Variants in MTTP observed in about 807,000 individuals in gnomAD.
MTTP encodes the protein microsomal triglyceride transfer protein.
MTTP carries 49 observed loss-of-function variants against 90.6 expected under a neutral mutation model. The observed-to-expected ratio is 0.54, with a 90% confidence interval of 0.43 to 0.69. MTTP has a LOEUF of 0.69. Among genes scored for constraint, MTTP ranks in the 30% least tolerant of loss-of-function variants. MTTP has a pLI of 0.00. For missense variants in MTTP, 945 were observed against 1,067.5 expected (o/e 0.89, Z 1.60); for synonymous variants, 347 against 384.2 (o/e 0.90, Z 1.13).
At chr4:99,589,484 A>G (rs1288339256) in intron 3 of MTTP, among the ~76,000 whole-genome samples, 159 bp from the exon 4 acceptor site, 1 of 152,146 alleles carries the variant, frequency 6.6e-6, no homozygotes, top group Non-Finnish European at 1.5e-5. Flanking sequence ...AGATTTAAAT[A>G]GCTTCTTTTC....
At chr4:99,602,916 A>G (rs1007583972) in intron 10 of MTTP, among the ~76,000 whole-genome samples, 3 of 152,192 alleles carry the variant, frequency 2.0e-5, no homozygotes, top group Admixed American at 6.6e-5. Context: ...AAGAACTCCT[A>G]GTCTGTTTAT....
At chr4:99,621,960 C>T (rs1454678841) in intron 17 of MTTP, among the ~76,000 whole-genome samples, 3 of 152,196 alleles carry the variant, frequency 2.0e-5, no homozygotes, top group African/African-American at 7.2e-5. Flanking sequence ...CAGCAAGCCA[C>T]ATCTTACATC....
At chr4:99,568,374 C>G (rs1315312588) in intron 1 of MTTP, among the ~76,000 whole-genome samples, 1 of 152,008 alleles carries the variant, frequency 6.6e-6, no homozygotes, top group Non-Finnish European at 1.5e-5. Flanking sequence ...CAGTGCAGAA[C>G]TGGAACTTGA....
At chr4:99,566,659 T>G (rs1175316626) in intron 1 of MTTP, among the ~76,000 whole-genome samples, 1 of 152,210 alleles carries the variant, frequency 6.6e-6, no homozygotes, top group African/African-American at 2.4e-5. Context: ...AAATCTGGTT[T>G]TAAAGTGTTG....
Position 99,619,055 on chromosome 4 carries a change from T to C in MTTP, c.2299T>C (p.Phe767Leu). The change falls in exon 16 of 18, where the codon TTT (phenylalanine) becomes CTT (leucine). Residue 767 changes from phenylalanine to leucine, a missense_variant. Physicochemically the swap from Phe to Leu is conservative, Grantham distance 22. Transcript: ENST00000265517. Reference protein sequence around the residue: ...LAIDISGAMEFSLWYRESKTR... With the variant: ...LAIDISGAMELSLWYRESKTR... ...TATTGATATTTCAGGTGCAATGGAGTTTAGCTTGTGGTATCGTGAGTCTAA... is the reference window on the plus strand; with the variant it reads ...TATTGATATTTCAGGTGCAATGGAGCTTAGCTTGTGGTATCGTGAGTCTAA... 1 of 1,613,620 alleles carries C rather than the reference T, an allele frequency of 6.2e-7. No individual in the cohort carries two copies. Among genetic ancestry groups the C allele is most frequent in the Non-Finnish European group, 8.5e-7 (1 of 1,179,646 alleles).
At chr4:99,577,578 C>T (rs1724995824) in intron 1 of MTTP, among the ~76,000 whole-genome samples, 1 of 132,904 alleles carries the variant, frequency 7.5e-6, no homozygotes, top group African/African-American at 2.9e-5. Context: ...GCACTCCAGC[C>T]TGGGCAATAA....
chr4:99,594,874 A>T lies in MTTP; in HGVS notation c.900A>T (p.Gly300=), dbSNP rs376659735. 4 of 1,613,868 alleles carry T rather than the reference A, an allele frequency of 2.5e-6. No homozygotes were observed. The South Asian group carries it at 3.3e-5, about 13-fold the overall frequency. Residue 300 remains glycine (G), a synonymous_variant, in exon 7 of 18, where the codon GGA becomes GGT. Coordinates refer to ENST00000265517, the MANE Select transcript of MTTP (RefSeq NM_001386140.1). ...AGGTCTTCCAGAGCCACTGTAAAGGATGTCCTTCTGTAAGTGCAGACAAAT... is the reference window on the plus strand; with the variant it reads ...AGGTCTTCCAGAGCCACTGTAAAGGTTGTCCTTCTGTAAGTGCAGACAAAT... The part of the protein sequence containing the change: ...VGQVFQSHCK[G]CPSLSELWRS...
At chr4:99,605,811 C>G (rs929493025) in intron 10 of MTTP, among the ~76,000 whole-genome samples, 1 of 151,428 alleles carries the variant, frequency 6.6e-6, no homozygotes, top group Non-Finnish European at 1.5e-5. Flanking sequence ...CTATTGGGAG[C>G]CTTTTGTTAA....
At chr4:99,603,526 C>T (rs1725745268) in intron 10 of MTTP, among the ~76,000 whole-genome samples, 1 of 152,036 alleles carries the variant, frequency 6.6e-6, no homozygotes, top group African/African-American at 2.4e-5. Flanking sequence ...GAGATACATT[C>T]AAGGGCCACT....
intron 10 of MTTP, 43 bp from the exon 11 acceptor site, chr4:99,606,705 C>A: frequency 6.3e-7 from 1 of 1,585,790 alleles, no homozygotes; most frequent in South Asian, 1.1e-5. Context: ...AAGTCTTCTT[C>A]AATGTATGGT....
At chr4:99,564,946 C>T (rs1391005197) in intron 1 of MTTP, among the ~76,000 whole-genome samples, 2 of 152,200 alleles carry the variant, frequency 1.3e-5, no homozygotes, top group Non-Finnish European at 2.9e-5. Flanking sequence ...ACTTGAAACA[C>T]TGTATCAGCT....
chr4:99,574,580 C>T, upstream of MTTP: 5 of 440,330 alleles, frequency 1.1e-5, no homozygotes, highest in Admixed American at 1.4e-4. Context: ...CTTTGAATGC[C>T]CCTCAGTACT....
rs1725515364 is a variant in MTTP, at chr4:99,594,860, A to C, written c.886A>C (p.Ser296Arg). The change falls in exon 7 of 18, where the codon AGC (serine) becomes CGC (arginine). Residue 296 changes from serine (S) to arginine (R), a missense_variant. Coordinates refer to ENST00000265517, the MANE Select transcript of MTTP (RefSeq NM_001386140.1). ...AIPIVGQVFQ[S>R]HCKGCPSLSE... ...TCCCATTGTGGGGCAGGTCTTCCAG[A>C]GCCACTGTAAAGGATGTCCTTCTGT... 1 of 1,613,974 alleles carries C rather than the reference A, an allele frequency of 6.2e-7. No homozygotes were observed. Among genetic ancestry groups the C allele is most frequent in the East Asian group, 2.2e-5 (1 of 44,860 alleles).
At chr4:99,597,514 G>A (rs1430044481) in intron 8 of MTTP, among the ~76,000 whole-genome samples, 1 of 152,156 alleles carries the variant, frequency 6.6e-6, no homozygotes, top group African/African-American at 2.4e-5. Context: ...GCAAGGCTTC[G>A]TCGTGACATC....
At chr4:99,577,605 CA>C (rs10605949) in intron 1 of MTTP, among the ~76,000 whole-genome samples, 19,341 of 101,098 alleles carry the variant, frequency 0.19, 1,035 homozygotes, top group Non-Finnish European at 0.21. Flanking sequence ...AACTCTGTTT[CA>C]AAAAAAAAAA....
At chr4:99,620,376 CTGT>C (rs1560627771) in intron 16 of MTTP, among the ~76,000 whole-genome samples, 1 of 152,184 alleles carries the variant, frequency 6.6e-6, no homozygotes, top group Non-Finnish European at 1.5e-5. Context: ...AGTAAGTCTT[CTGT>C]TGAAATTATT....
rs1225804424 is a variant in MTTP at position 99,564,364 on chromosome 4, T to C, written c.-102+127T>C. 23 of 944,226 alleles carry C rather than the reference T, an allele frequency of 2.4e-5. 1 individual carries two copies. Among genetic ancestry groups the C allele is most frequent in the Non-Finnish European group, 3.3e-5 (22 of 665,344 alleles). The allele number at this position is 944,226 out of a possible 1,614,324, so 58.5% of individuals were successfully genotyped here. ...TCTCTTGCCTATATTATTTTTAATT[T>C]ATACAGAAAATTACCATATCACATG... On this transcript the variant is annotated intron_variant, in intron 1 of 18. Transcript: ENST00000457717.
At chr4:99,607,918 A>G (rs976226296) in intron 11 of MTTP, among the ~76,000 whole-genome samples, 2 of 152,046 alleles carry the variant, frequency 1.3e-5, no homozygotes, top group Non-Finnish European at 2.9e-5. Context: ...AACTCTCTGT[A>G]CTTTCCACTC....
rs1399452671 is a variant in MTTP at position 99,623,620 on chromosome 4, G to C, written c.*772G>C. On this transcript the variant is annotated 3_prime_UTR_variant, in exon 18 of 18. Coordinates refer to ENST00000265517, the MANE Select transcript of MTTP (RefSeq NM_001386140.1). Reference sequence around the variant, plus strand: ...GATTTTTCTTTTGCTGTGTCTTTTTGAGACTGTAATATGGTACACTGTCCT... The same window carrying C: ...GATTTTTCTTTTGCTGTGTCTTTTTCAGACTGTAATATGGTACACTGTCCT... 6.6e-6 allele frequency: 1 copy of C among 152,382 alleles called. No individual in the cohort carries two copies. Among genetic ancestry groups the C allele is most frequent in the East Asian group, 1.9e-4 (1 of 5,198 alleles). 9.4% of individuals were successfully genotyped at this position (152,382 alleles called of 1,614,324 possible).
Sources: gnomAD v4.1 joint callset for allele counts (sites outside exome capture counted in the v4.1 genomes callset) on GRCh38, gnomAD v4.1.1 for gene constraint, MANE v1.5 for transcripts, NCBI Gene and HGNC (gene_info 2026-07-23, HGNC 2026-07-21) for gene names.